FAT4: variants seen among roughly 807,000 people sequenced by gnomAD.
The protein encoded by FAT4 is protocadherin Fat 4.
Under a neutral mutation model 303.9 loss-of-function variants are expected in FAT4, and 84 were observed. That is an observed-to-expected ratio of 0.28 (90% CI 0.23 to 0.33). FAT4 has a LOEUF of 0.33. FAT4 is among the 10% of genes least tolerant of loss of function. The pLI, the probability that FAT4 is intolerant of heterozygous loss-of-function variation, is 1.00. For synonymous variants in FAT4, 2,307 were observed against 2,298.8 expected (o/e 1.00, Z -0.10); for missense variants, 6,005 against 6,146.8 (o/e 0.98, Z 0.77).
Position 125,450,510 on chromosome 4 carries a change from G to T in FAT4, c.9500G>T (p.Ser3167Ile). ...ELCQKHEMTI[S>I]AIDGGWVART... ...TGCCAGAAACACGAAATGACGATTA[G>T]TGCTATAGATGGAGGATGGGTTGCA... is the stretch of plus-strand genomic sequence containing the variant. The change falls in exon 10 of 18, where the codon AGT becomes ATT. Residue 3167 changes from serine to isoleucine, a missense_variant. Ser to Ile is a moderately radical substitution (Grantham distance 142, BLOSUM62 -2). Coordinates refer to ENST00000394329, the MANE Select transcript of FAT4 (RefSeq NM_001291303.3). 1 of 1,614,136 alleles carries T rather than the reference G, an allele frequency of 6.2e-7. No homozygotes were observed. Among genetic ancestry groups the T allele is most frequent in the Non-Finnish European group, 8.5e-7 (1 of 1,180,016 alleles).
In FAT4 at chr4:125,416,550, C is replaced by T; in HGVS notation, c.6946C>T (p.Leu2316Phe). 2 of 1,613,950 alleles carry T rather than the reference C, an allele frequency of 1.2e-6. No homozygotes were observed. Among genetic ancestry groups the T allele is most frequent in the Non-Finnish European group, 1.7e-6 (2 of 1,179,928 alleles). The change falls in exon 7 of 18, where the codon CTT becomes TTT. Residue 2316 changes from leucine to phenylalanine, a missense_variant. Transcript: ENST00000394329. The part of the protein sequence containing the change: ...NAFTLSASGE[L>F]GVTQSLDRET... ...TTTTACTCTCTCAGCCAGTGGAGAA[C>T]TTGGAGTAACACAGAGTCTGGATCG...
chr4:125,490,004 G>A lies in FAT4; in HGVS notation c.13188G>A (p.Val4396=), dbSNP rs1049710977. The A allele has an allele frequency of 3.7e-6, 6 of 1,614,042 alleles. No individual in the cohort carries two copies. Among genetic ancestry groups the A allele is most frequent in the Admixed American group, 1.7e-5 (1 of 60,018 alleles). The change falls in exon 18 of 18, where the codon GTG becomes GTA. Residue 4396 remains valine, a synonymous_variant. Coordinates refer to ENST00000394329, the MANE Select transcript of FAT4 (RefSeq NM_001291303.3). ...CCATCTCAAAAACAGATCCCTCAGT[G>A]AAGATTGGCTGCCGTGGCCCGAACA... is the stretch of plus-strand genomic sequence containing the variant. ...LASISKTDPS[V]KIGCRGPNIC... is the part of the protein sequence containing the mutation.
intron 12 of FAT4, among the ~76,000 whole-genome samples, chr4:125,471,895 C>CAAAAAAAAAAAAAAAAAAAAAAAAAA (rs60730341): frequency 5.3e-5 from 3 of 56,108 alleles, no homozygotes; most frequent in Non-Finnish European, 9.1e-5. Context: ...ACTAAAAATA[C>CAAAAAAAAAAAAAAAAAAAAAAAAAA]AAAAAAAAAA....
intron 2 of FAT4, among the ~76,000 whole-genome samples, chr4:125,349,727 C>T (rs572012613): frequency 2.0e-5 from 3 of 151,640 alleles, no homozygotes; most frequent in African/African-American, 7.2e-5. Flanking sequence ...TGTCATTTTG[C>T]TTGACATTCG....
intron 2 of FAT4, among the ~76,000 whole-genome samples, chr4:125,372,516 T>A (rs1051805213): frequency 6.6e-6 from 1 of 152,072 alleles, no homozygotes; most frequent in African/African-American, 2.4e-5. Flanking sequence ...CTACCTGAGG[T>A]AGTGTGATAG....
chr4:125,399,021 A>T, intron 3 of FAT4, 106 bp downstream of exon 3: 1 of 969,276 alleles, frequency 1.0e-6, no homozygotes, highest in African/African-American at 1.6e-5. Flanking sequence ...AAGGTTAAGC[A>T]TGTGTGCTCC....
At chr4:125,439,915 C>G (rs1725594850) in intron 8 of FAT4, among the ~76,000 whole-genome samples, 1 of 152,052 alleles carries the variant, frequency 6.6e-6, no homozygotes, top group Non-Finnish European at 1.5e-5. Flanking sequence ...TAAAAATGAA[C>G]ATAAAAATTT....
At position 125,477,321 on chromosome 4, in the gene FAT4, G is replaced by A; in HGVS notation, c.12466G>A (p.Gly4156Ser). The part of the protein sequence containing the change: ...LEPSQALAAQ[G>S]ILDQCPRLEG... ...ACCCAGCCAAGCTTTGGCAGCACAA[G>A]GCATCCTAGATCAGTATGGCGATTT... Residue 4156 changes from glycine to serine, a missense_variant, in exon 14 of 18, where the codon GGC becomes AGC. Transcript: ENST00000394329. 1.9e-6 allele frequency: 3 copies of A among 1,580,752 alleles called. No homozygotes were observed. Among genetic ancestry groups the A allele is most frequent in the Non-Finnish European group, 2.6e-6 (3 of 1,162,998 alleles).
At position 125,425,311 on chromosome 4, in the gene FAT4, A is replaced by G. The variant is rs988335000; in HGVS notation, c.7018+8689A>G. ...CATTCAGCTGTTTGTCAGTGACTAC[A>G]GGATTTGAGGCCAACCCACTTAACA... is the stretch of plus-strand genomic sequence containing the variant. On this transcript the variant is annotated intron_variant, in intron 7 of 17. Transcript: ENST00000394329. Among the ~76,000 whole-genome samples the G allele has an allele frequency of 3.3e-5, 5 of 152,166 alleles. No individual in the cohort carries two copies. The East Asian group carries it at 9.6e-4, about 29-fold the overall frequency.
chr4:125,420,763 C>G (rs998208634), intron 7 of FAT4, among the ~76,000 whole-genome samples: 1 of 152,202 alleles, frequency 6.6e-6, no homozygotes, highest in Admixed American at 6.5e-5. Context: ...ATTCTCATGA[C>G]TTTCCCCTGA....
intron 2 of FAT4, among the ~76,000 whole-genome samples, chr4:125,330,961 G>A (rs553683757): frequency 2.0e-5 from 3 of 152,106 alleles, no homozygotes; most frequent in Non-Finnish European, 4.4e-5. Context: ...CCAGGCCCCA[G>A]CCTCAGGCGC....
At position 125,321,535 on chromosome 4, in the gene FAT4, T is replaced by C; in HGVS notation, c.5124T>C (p.Asp1708=). 6.2e-7 allele frequency: 1 copy of C among 1,613,242 alleles called. No individual in the cohort carries two copies. The highest frequency in any genetic ancestry group is 8.5e-7 in the Non-Finnish European group (1 of 1,179,650). The change falls in exon 2 of 18, where the codon GAT becomes GAC. Residue 1708 remains aspartate (D), a synonymous_variant. Transcript: ENST00000394329. ...AAGGAGCATGTCTTTACCTGGTGGA[T>C]GTTTATGCCATAGAAAAATCAACTG... ...REQGACLYLV[D]VYAIEKSTAF...
rs1732621919 is a variant in FAT4 at position 125,360,771 on chromosome 4, A to G, written c.5176-38013A>G. On this transcript the variant is annotated intron_variant, in intron 2 of 17. Transcript: ENST00000394329. ...GAGGAGGATGGATTGCAGATATGCT[A>G]TTAGAGGCATAGCCATCTTTACTTC... Among the ~76,000 whole-genome samples, 3 of 152,090 alleles carry G rather than the reference A, an allele frequency of 2.0e-5. No individual in the cohort carries two copies. In the South Asian group the frequency reaches 6.2e-4, roughly 32 times the overall value.
chr4:125,484,490 G>T (rs1727341111), intron 16 of FAT4, among the ~76,000 whole-genome samples: 1 of 151,938 alleles, frequency 6.6e-6, no homozygotes, highest in South Asian at 2.1e-4. Context: ...GGCAACATAG[G>T]TGATACAGAA....
intron 2 of FAT4, among the ~76,000 whole-genome samples, chr4:125,377,483 C>T (rs1459986267): frequency 6.6e-6 from 1 of 152,064 alleles, no homozygotes; most frequent in Non-Finnish European, 1.5e-5. Flanking sequence ...CCAAACAAGT[C>T]AGTTTTGGTT....
chr4:125,418,087 T>C (rs1735141313), intron 7 of FAT4, among the ~76,000 whole-genome samples: 1 of 152,164 alleles, frequency 6.6e-6, no homozygotes, highest in African/African-American at 2.4e-5. Context: ...ATATTCACTG[T>C]TTTCATTCAA....
chr4:125,450,249 C>T lies in FAT4; in HGVS notation c.9239C>T (p.Thr3080Ile), dbSNP rs1726003750. 6.2e-7 allele frequency: 1 copy of T among 1,614,130 alleles called. No homozygotes were observed. Residue 3080 changes from threonine (T) to isoleucine (I), a missense_variant, in exon 10 of 18, where the codon ACT (threonine) becomes ATT (isoleucine). Transcript: ENST00000394329. ...PLSSQATVHI[T>I]VTEENYHTPE... ...TCTTCCCAAGCAACTGTTCACATAA[C>T]TGTCACTGAGGAAAACTACCATACA...
At chr4:125,475,823 G>C (rs1727008392) in intron 12 of FAT4, among the ~76,000 whole-genome samples, 1 of 152,028 alleles carries the variant, frequency 6.6e-6, no homozygotes, top group Non-Finnish European at 1.5e-5. Context: ...CGTTTCTTAA[G>C]ATTGTAATCT....
intron 3 of FAT4, among the ~76,000 whole-genome samples, chr4:125,400,394 C>A (rs971607619): frequency 2.0e-5 from 3 of 151,984 alleles, no homozygotes; most frequent in African/African-American, 7.2e-5. Flanking sequence ...TTCCAACACT[C>A]ACCCCTTTTA....
Sources: gnomAD v4.1 joint callset for allele counts (sites outside exome capture counted in the v4.1 genomes callset) on GRCh38, gnomAD v4.1.1 for gene constraint, MANE v1.5 for transcripts, NCBI Gene and HGNC (gene_info 2026-07-23, HGNC 2026-07-21) for gene names.